The following LTBP1 variants were observed in gnomAD, a reference collection of about 807,000 sequenced individuals.
The protein encoded by LTBP1 is latent-transforming growth factor beta-binding protein 1.
Under a neutral mutation model 207.6 loss-of-function variants are expected in LTBP1, and 129 were observed. The observed-to-expected ratio is 0.62, with a 90% CI of 0.54 to 0.72. The LOEUF (loss-of-function observed/expected upper bound fraction) is 0.72. Among genes scored for constraint, LTBP1 ranks in the 30% least tolerant of loss-of-function variants. LTBP1 has a pLI of 0.00. For synonymous variants in LTBP1, 963 were observed against 833.7 expected (o/e 1.16, Z -2.67); for missense variants, 2,281 against 2,217.2 (o/e 1.03, Z -0.58).
At chr2:33,324,024 G>C (rs1430962107) in intron 24 of LTBP1, among the ~76,000 whole-genome samples, 1 of 152,108 alleles carries the variant, frequency 6.6e-6, no homozygotes, top group Non-Finnish European at 1.5e-5. Context: ...CCTACATGGA[G>C]TTGATGTGTG....
intron 3 of LTBP1, among the ~76,000 whole-genome samples, chr2:33,026,939 C>T (rs190728969): frequency 2.0e-4 from 30 of 152,360 alleles, no homozygotes; most frequent in Non-Finnish European, 3.2e-4. Flanking sequence ...ACTCAGCCAT[C>T]TTCCTCCTCA....
chr2:33,209,653 T>G (rs1021716951), intron 7 of LTBP1, among the ~76,000 whole-genome samples: 3 of 152,234 alleles, frequency 2.0e-5, no homozygotes, highest in Admixed American at 1.3e-4. Flanking sequence ...GAATATCTTT[T>G]TCTTTTATTT....
At chr2:33,065,913 G>A (rs219084) in intron 3 of LTBP1, among the ~76,000 whole-genome samples, 71,280 of 151,946 alleles carry the variant, frequency 0.47, 18,707 homozygotes, top group East Asian at 0.98. Flanking sequence ...ACTCTGTGTC[G>A]TTCTTTTTAT....
chr2:33,142,177 G>A (rs574239828), intron 5 of LTBP1, among the ~76,000 whole-genome samples: 11 of 151,920 alleles, frequency 7.2e-5, no homozygotes, highest in African/African-American at 2.2e-4. Context: ...TCAGCCTCCC[G>A]AGCAGCTGGG....
At chr2:32,976,492 A>T in intron 2 of LTBP1, among the ~76,000 whole-genome samples, 1 of 152,228 alleles carries the variant, frequency 6.6e-6, no homozygotes, top group East Asian at 1.9e-4. Context: ...GTGAGCCAGT[A>T]GGCACCATTT....
intron 3 of LTBP1, among the ~76,000 whole-genome samples, chr2:33,101,708 C>T (rs890688809): frequency 3.3e-5 from 5 of 152,054 alleles, no homozygotes; most frequent in African/African-American, 9.7e-5. Flanking sequence ...TTCTCTGGCC[C>T]TTGTTAGTTT....
intron 24 of LTBP1, among the ~76,000 whole-genome samples, chr2:33,320,809 C>G (rs2094343287): frequency 6.6e-6 from 1 of 152,098 alleles, no homozygotes; most frequent in Non-Finnish European, 1.5e-5. Flanking sequence ...ACTGTATGTA[C>G]CAGTCTGGTG....
chr2:33,376,376 A>C (rs1025023286), intron 31 of LTBP1, among the ~76,000 whole-genome samples: 1 of 152,362 alleles, frequency 6.6e-6, no homozygotes, highest in Admixed American at 6.5e-5. Context: ...AGAAAGTGTT[A>C]ACATTCTAAG....
At chr2:33,076,762 C>T (rs1285232134) in intron 3 of LTBP1, among the ~76,000 whole-genome samples, 2 of 152,058 alleles carry the variant, frequency 1.3e-5, no homozygotes, top group Non-Finnish European at 2.9e-5. Context: ...GTCTCAATCT[C>T]TTGACCTCGT....
At chr2:33,389,969 C>A (rs1326515748) in intron 32 of LTBP1, among the ~76,000 whole-genome samples, 3 of 152,194 alleles carry the variant, frequency 2.0e-5, no homozygotes, top group Non-Finnish European at 2.9e-5. Context: ...AAAATCATTT[C>A]TCTTCTCTTT....
intron 5 of LTBP1, among the ~76,000 whole-genome samples, chr2:33,135,271 A>G (rs1545552): frequency 0.77 from 116,533 of 152,156 alleles, 45,020 homozygotes; most frequent in East Asian, 0.99. Context: ...CTAAGGCATG[A>G]CTTGTGCTGA....
intron 24 of LTBP1, among the ~76,000 whole-genome samples, chr2:33,320,067 T>C (rs1423637353): frequency 1.3e-5 from 2 of 152,034 alleles, no homozygotes; most frequent in African/African-American, 4.8e-5. Context: ...ATAACTAAGA[T>C]GTTAGAAAGT....
chr2:33,150,643 A>G (rs745932654), intron 5 of LTBP1, among the ~76,000 whole-genome samples: 14 of 102,060 alleles, frequency 1.4e-4, no homozygotes, highest in Admixed American at 3.7e-4. Context: ...GAGACTTACT[A>G]TTTGTCCTTT....
chr2:33,222,589 A>G (rs947956368), intron 9 of LTBP1, among the ~76,000 whole-genome samples: 4 of 152,214 alleles, frequency 2.6e-5, no homozygotes, highest in Admixed American at 6.5e-5. Context: ...CAGGAACTAG[A>G]TATCAGAGTA....
At chr2:33,395,292 G>A (rs1473928554) in intron 32 of LTBP1, among the ~76,000 whole-genome samples, 2 of 152,034 alleles carry the variant, frequency 1.3e-5, no homozygotes, top group African/African-American at 2.4e-5. Context: ...CAAATCCCAT[G>A]GTTCATTTCC....
chr2:33,332,583 G>T lies in LTBP1; in HGVS notation c.3731-10255G>T, dbSNP rs1395685835. ...ATTTAATTTTTTTTTTTTATATGGAGTCTTGCTCTGTCGCCCAGGCTGGAG... is the reference window on the plus strand; with the variant it reads ...ATTTAATTTTTTTTTTTTATATGGATTCTTGCTCTGTCGCCCAGGCTGGAG... On this transcript the variant is annotated intron_variant, in intron 24 of 33. Coordinates refer to ENST00000404816, the MANE Select transcript of LTBP1 (RefSeq NM_206943.4). Among the ~76,000 whole-genome samples, 4 of 150,698 alleles carry T rather than the reference G, an allele frequency of 2.7e-5. No individual in the cohort carries two copies. The East Asian group carries it at 7.8e-4, about 29-fold the overall frequency.
chr2:33,357,856 T>C (rs999739638), intron 26 of LTBP1, among the ~76,000 whole-genome samples: 5 of 152,236 alleles, frequency 3.3e-5, no homozygotes, highest in African/African-American at 7.2e-5. Flanking sequence ...CATTTTTTAG[T>C]GCTTGCCACT....
chr2:33,108,794 C>A (rs745794266), intron 3 of LTBP1, among the ~76,000 whole-genome samples: 1 of 152,184 alleles, frequency 6.6e-6, no homozygotes, highest in Non-Finnish European at 1.5e-5. Context: ...TTCCAAGAGG[C>A]TGATAGAAGA....
rs574883919 is a variant in LTBP1, at chr2:33,364,647, G to C, written c.4540+291G>C. Reference sequence around the variant, plus strand: ...TCATCATCCCTAACCTGCAGAGGCAGCTGAGGGAAATGTAATTCAGGGAAA... The same window carrying C: ...TCATCATCCCTAACCTGCAGAGGCACCTGAGGGAAATGTAATTCAGGGAAA... On this transcript the variant is annotated intron_variant, in intron 30 of 33. Coordinates refer to ENST00000404816, the MANE Select transcript of LTBP1 (RefSeq NM_206943.4). Among the ~76,000 whole-genome samples the C allele has an allele frequency of 2.6e-5, 4 of 152,302 alleles. No homozygotes were observed. In the South Asian group the frequency reaches 8.3e-4, roughly 32 times the overall value.
Sources: allele counts gnomAD v4.1 joint callset (sites outside exome capture counted in the v4.1 genomes callset), GRCh38; gene constraint gnomAD v4.1.1; transcripts MANE v1.5; gene names NCBI Gene and HGNC (gene_info 2026-07-23, HGNC 2026-07-21).